The following ZNF596 variants were observed in gnomAD, a reference collection of about 807,000 sequenced individuals.
ZNF596 encodes the protein zinc finger protein 596.
ZNF596 carries 45 observed loss-of-function variants against 48.3 expected under a neutral mutation model. The ratio of observed to expected loss-of-function variants is 0.93; its 90% confidence interval spans 0.73 to 1.19. The LOEUF (loss-of-function observed/expected upper bound fraction) is 1.19. Among genes scored for constraint, ZNF596 ranks in the 50% most tolerant of loss-of-function variants. The pLI is 0.00. For missense variants in ZNF596, 848 were observed against 599.7 expected, an observed-to-expected ratio of 1.41 and a Z score of -4.32; for synonymous variants, 270 against 202.0, an observed-to-expected ratio of 1.34 and a Z score of -2.85.
In ZNF596 at chr8:246,062, C is replaced by G. The variant is rs1797070797; in HGVS notation, c.1215C>G (p.Asp405Glu). 1.2e-6 allele frequency: 2 copies of G among 1,614,032 alleles called. No individual in the cohort carries two copies. Among genetic ancestry groups the G allele is most frequent in the Non-Finnish European group, 1.7e-6 (2 of 1,180,012 alleles). The change falls in exon 6 of 6, where the codon GAC becomes GAG. Residue 405 changes from aspartate (D) to glutamate (E), a missense_variant. Asp to Glu is a conservative substitution (Grantham distance 45). Transcript: ENST00000398612. ...VCGKAFTESS[D>E]LRRHERTHTG... ...GGAAAGCCTTCACTGAATCTTCTGA[C>G]CTCAGACGACATGAGAGAACTCACA...
At chr8:241,259 A>G (rs1796843829) in intron 2 of ZNF596, among the ~76,000 whole-genome samples, 2 of 151,956 alleles carry the variant, frequency 1.3e-5, no homozygotes, top group African/African-American at 4.8e-5. Context: ...TGGGCTTGAG[A>G]GTATATGTGG....
chr8:244,597 T>C, intron 4 of ZNF596, 22 bp from the exon 5 acceptor site: 1 of 1,363,140 alleles, frequency 7.3e-7, no homozygotes, highest in South Asian at 1.3e-5. Context: ...ATATAGCATC[T>C]TTTTTTTTTC....
In ZNF596 at chr8:242,675, T is replaced by C. The variant is rs543017325; in HGVS notation, c.13-212T>C. ...AGGTTATATTATGCCACACCACATG[T>C]GATATTTCTCTATGTGAAGTTTTAT... On this transcript the variant is annotated intron_variant, in intron 2 of 5. Transcript: ENST00000398612. Among the ~76,000 whole-genome samples the C allele has an allele frequency of 2.0e-5, 3 of 152,308 alleles. No homozygotes were observed. In the South Asian group the frequency reaches 6.2e-4, roughly 32 times the overall value.
Position 246,428 on chromosome 8 carries a change from C to G in ZNF596, c.*66C>G, listed in dbSNP as rs771004447. ...CAAACATACTACAGGAATATTATGT[C>G]TGTAATCAGTGTGGAAAAGCCTTTA... On this transcript the variant is annotated 3_prime_UTR_variant, in exon 6 of 6. Coordinates refer to ENST00000398612, the MANE Select transcript of ZNF596 (RefSeq NM_001042416.3). The G allele has an allele frequency of 8.0e-6, 12 of 1,504,586 alleles. No homozygotes were observed. Among genetic ancestry groups the G allele is most frequent in the South Asian group, 1.4e-5 (1 of 73,084 alleles). The allele number at this position is 1,504,586 out of a possible 1,614,324, so 93.2% of individuals were successfully genotyped here. A position where few individuals can be genotyped will look rare whatever the true frequency, so the allele number is the denominator to read the frequency against.
At chr8:234,582 G>A (rs952169656) in intron 1 of ZNF596, 2 of 152,188 alleles carry the variant, frequency 1.3e-5, no homozygotes, top group Non-Finnish European at 2.9e-5. Context: ...GATTAGATAT[G>A]GCACTTTCAC....
rs146494504 is a variant in ZNF596, at chr8:242,660, A to AT, written c.13-226dup. Among the ~76,000 whole-genome samples the AT allele has an allele frequency of 0.011, 1,721 of 152,336 alleles. 53 individuals carry two copies. The East Asian group carries it at 0.11, about 10-fold the overall frequency. ...TATTGGGAAATCTTCAGGTTATATT[A>AT]TGCCACACCACATGTGATATTTCTC... is the stretch of plus-strand genomic sequence containing the variant. On this transcript the variant is annotated intron_variant, in intron 2 of 5. Transcript: ENST00000398612.
chr8:246,072 C>A lies in ZNF596; in HGVS notation c.1225C>A (p.His409Asn), dbSNP rs759624995. Residue 409 changes from histidine to asparagine, a missense_variant, in exon 6 of 6, where the codon CAT becomes AAT. Physicochemically the swap from His to Asn is moderately conservative, Grantham distance 68. Coordinates refer to ENST00000398612, the MANE Select transcript of ZNF596 (RefSeq NM_001042416.3). ...AFTESSDLRR[H>N]ERTHTGEKPY... is the part of the protein sequence containing the mutation. ...CACTGAATCTTCTGACCTCAGACGA[C>A]ATGAGAGAACTCACACTGGAGAAAA... 1 of 1,614,004 alleles carries A rather than the reference C, an allele frequency of 6.2e-7. No individual in the cohort carries two copies. Among genetic ancestry groups the A allele is most frequent in the Non-Finnish European group, 8.5e-7 (1 of 1,179,858 alleles).
intron 1 of ZNF596, among the ~76,000 whole-genome samples, chr8:238,460 C>T (rs1796708787): frequency 6.6e-6 from 1 of 151,708 alleles, no homozygotes; most frequent in African/African-American, 2.4e-5. Context: ...CAAGATGTGA[C>T]CCTACTGAAT....
At chr8:234,577 G>C (rs1796549521) in intron 1 of ZNF596, 1 of 152,222 alleles carries the variant, frequency 6.6e-6, no homozygotes, top group Non-Finnish European at 1.5e-5. Flanking sequence ...AAAAGGATTA[G>C]ATATGGCACT....
At position 245,884 on chromosome 8, in the gene ZNF596, A is replaced by G. The variant is rs776584203; in HGVS notation, c.1037A>G (p.His346Arg). The G allele has an allele frequency of 5.6e-6, 9 of 1,613,956 alleles. No homozygotes were observed. Among genetic ancestry groups the G allele is most frequent in the South Asian group, 1.1e-5 (1 of 91,070 alleles). The change falls in exon 6 of 6, where the codon CAT becomes CGT. Residue 346 changes from histidine (H) to arginine (R), a missense_variant. By Grantham distance (29) the His-to-Arg change is conservative. Coordinates refer to ENST00000398612, the MANE Select transcript of ZNF596 (RefSeq NM_001042416.3). ...ECHLCGKAFS[H>R]CSHLRQHERS... ...CATCTATGTGGAAAAGCCTTCTCTC[A>G]TTGTTCTCACCTTAGACAACATGAG...
intron 3 of ZNF596, chr8:243,476 G>C: frequency 2.5e-6 from 1 of 395,548 alleles, no homozygotes; most frequent in Non-Finnish European, 4.6e-6. Flanking sequence ...AAACACTGAG[G>C]ATTCTGAAAT....
chr8:243,842 A>G (rs1796952715), intron 4 of ZNF596, 37 bp downstream of exon 4: 1 of 1,572,962 alleles, frequency 6.4e-7, no homozygotes, highest in Admixed American at 1.7e-5. Context: ...TAGGAGGAGG[A>G]GAAACATGGC....
At chr8:238,628 CAAAAA>C (rs1167168569) in intron 1 of ZNF596, among the ~76,000 whole-genome samples, 305 of 39,820 alleles carry the variant, frequency 7.7e-3, no homozygotes, top group Non-Finnish European at 0.015. Flanking sequence ...TGGTGAAATA[CAAAAA>C]AAAAAAAAAA....
At chr8:237,168 A>G (rs921406146) in intron 1 of ZNF596, 4 of 152,148 alleles carry the variant, frequency 2.6e-5, no homozygotes, top group African/African-American at 9.7e-5. Context: ...TTAAATTACT[A>G]CTTTTAAATA....
At position 240,868 on chromosome 8, in the gene ZNF596, G is replaced by A. The variant is rs760617666; in HGVS notation, c.-28G>A. 1.2e-6 allele frequency: 2 copies of A among 1,613,928 alleles called. No individual in the cohort carries two copies. The highest frequency in any genetic ancestry group is 1.7e-6 in the Non-Finnish European group (2 of 1,179,906). On this transcript the variant is annotated 5_prime_UTR_variant, in exon 2 of 6. Coordinates refer to ENST00000398612, the MANE Select transcript of ZNF596 (RefSeq NM_001042416.3). The stretch of plus-strand genomic sequence containing the variant: ...GGATGGTGTGAGTGAAAACCCAGAG[G>A]AATACATTTGGTGGCTGAGCTAGTA...
rs1274888348 is a variant in ZNF596 at position 246,449 on chromosome 8, CTTTATTTATA to C, written c.*92_*101del. 2 of 1,474,648 alleles carry C rather than the reference CTTTATTTATA, an allele frequency of 1.4e-6. No homozygotes were observed. The highest frequency in any genetic ancestry group is 4.6e-5 in the East Asian group (2 of 43,888). 91.3% of individuals were successfully genotyped at this position (1,474,648 alleles called of 1,614,324 possible). On this transcript the variant is annotated 3_prime_UTR_variant, in exon 6 of 6. Coordinates refer to ENST00000398612, the MANE Select transcript of ZNF596 (RefSeq NM_001042416.3). Reference sequence around the variant, plus strand: ...ATGTCTGTAATCAGTGTGGAAAAGCCTTTATTTATATTTACCACTTTGCTCAACCTAAATG... The same window carrying C: ...ATGTCTGTAATCAGTGTGGAAAAGCCTTTACCACTTTGCTCAACCTAAATG...
At chr8:241,109 C>T (rs1348588202) in intron 2 of ZNF596, among the ~76,000 whole-genome samples, 1 of 152,174 alleles carries the variant, frequency 6.6e-6, no homozygotes, top group African/African-American at 2.4e-5. Context: ...TAAGGCATTC[C>T]AGCCTCTACT....
chr8:245,287 T>C lies in ZNF596; in HGVS notation c.440T>C (p.Ile147Thr), dbSNP rs1302806696. The C allele has an allele frequency of 6.2e-7, 1 of 1,614,056 alleles. No homozygotes were observed. Among genetic ancestry groups the C allele is most frequent in the African/African-American group, 1.3e-5 (1 of 75,054 alleles). ...TTTGTAAGCAAAAAGTTTGGGAAAA[T>C]CTTCAGTGACTGGTTATCCTTTAAT... The part of the protein sequence containing the change: ...KHFVSKKFGK[I>T]FSDWLSFNQH... The change falls in exon 6 of 6, where the codon ATC becomes ACC. Residue 147 changes from isoleucine (I) to threonine (T), a missense_variant. Coordinates refer to ENST00000398612, the MANE Select transcript of ZNF596 (RefSeq NM_001042416.3).
In ZNF596 at chr8:246,314, C is replaced by T. The variant is rs1199572239; in HGVS notation, c.1467C>T (p.Asn489=). 6.2e-7 allele frequency: 1 copy of T among 1,604,516 alleles called. No individual in the cohort carries two copies. The highest frequency in any genetic ancestry group is 8.5e-7 in the Non-Finnish European group (1 of 1,177,236). The change falls in exon 6 of 6, where the codon AAC becomes AAT. Residue 489 remains asparagine (N), a synonymous_variant. Transcript: ENST00000398612. The part of the protein sequence containing the change: ...LCGKAFSKFF[N]LRQHERTHTK... ...GGAAAGCCTTTAGTAAATTTTTTAA[C>T]CTTAGACAACATGAGAGAACTCACA...
Sources: gnomAD v4.1 joint callset for allele counts (sites outside exome capture counted in the v4.1 genomes callset) on GRCh38, gnomAD v4.1.1 for gene constraint, MANE v1.5 for transcripts, NCBI Gene and HGNC (gene_info 2026-07-23, HGNC 2026-07-21) for gene names.